The following SDK1 variants were observed in gnomAD, a reference collection of about 807,000 sequenced individuals.
SDK1 encodes the protein protein sidekick-1.
A neutral mutation model predicts 245.5 loss-of-function variants in SDK1; 157 were observed. The observed-to-expected ratio is 0.64, with a 90% CI of 0.56 to 0.73. The LOEUF is 0.73. Ranked by LOEUF, SDK1 falls within the 30% of genes least tolerant of loss-of-function variation. The pLI is 0.00. For synonymous variants in SDK1, 1,647 were observed against 1,278.5 expected (o/e 1.29, Z -6.15); for missense variants, 3,583 against 3,002.3 (o/e 1.19, Z -4.52).
At chr7:3,716,901 A>G (rs566381125) in intron 4 of SDK1, among the ~76,000 whole-genome samples, 1 of 152,350 alleles carries the variant, frequency 6.6e-6, no homozygotes, top group South Asian at 2.1e-4. Context: ...AACTACAGAA[A>G]AGAAAGAAGA....
intron 4 of SDK1, among the ~76,000 whole-genome samples, chr7:3,800,466 C>T (rs58215957): frequency 0.15 from 23,030 of 151,944 alleles, 1,888 homozygotes; most frequent in Middle Eastern, 0.3. Flanking sequence ...ACTGCAACTT[C>T]TGCCTCCTGG....
intron 22 of SDK1, among the ~76,000 whole-genome samples, chr7:4,090,881 A>T (rs1177416108): frequency 7.2e-6 from 1 of 139,232 alleles, no homozygotes; most frequent in Non-Finnish European, 1.5e-5. Context: ...CAAAACCCTC[A>T]GTTTATGTGA....
At position 3,561,946 on chromosome 7, in the gene SDK1, T is replaced by C. The variant is rs931301622; in HGVS notation, c.299-57134T>C. Among the ~76,000 whole-genome samples the C allele has an allele frequency of 3.3e-5, 5 of 152,360 alleles. No homozygotes were observed. In the South Asian group the frequency reaches 8.3e-4, roughly 25 times the overall value. ...TGCACATTTGCTTTCATTTTCTTGT[T>C]AAAATGGATTGAGAAAGATTAACAC... On this transcript the variant is annotated intron_variant, in intron 1 of 44. Transcript: ENST00000404826.
At chr7:3,663,399 A>G (rs1052948045) in intron 4 of SDK1, among the ~76,000 whole-genome samples, 6 of 152,172 alleles carry the variant, frequency 3.9e-5, no homozygotes, top group Non-Finnish European at 8.8e-5. Context: ...AATGAAATAT[A>G]TAGGGAAGTG....
intron 28 of SDK1, among the ~76,000 whole-genome samples, chr7:4,138,556 G>A (rs1027004181): frequency 1.3e-5 from 2 of 151,994 alleles, no homozygotes; most frequent in Non-Finnish European, 2.9e-5. Flanking sequence ...AGACCAGCCT[G>A]GCCAACATGG....
At chr7:4,107,134 T>G (rs1446322881) in intron 22 of SDK1, among the ~76,000 whole-genome samples, 33 of 3,670 alleles carry the variant, frequency 9.0e-3, no homozygotes, top group Admixed American at 0.013. Context: ...GTGGGGAGGG[T>G]GGGGAGGGTG....
intron 22 of SDK1, among the ~76,000 whole-genome samples, chr7:4,083,232 A>G (rs1194072364): frequency 5.3e-5 from 8 of 152,048 alleles, no homozygotes; most frequent in Non-Finnish European, 1.0e-4. Context: ...CTCACCCTCA[A>G]AGGTGTCCTT....
At chr7:3,707,100 G>A (rs1183235689) in intron 4 of SDK1, among the ~76,000 whole-genome samples, 4 of 151,912 alleles carry the variant, frequency 2.6e-5, no homozygotes, top group Admixed American at 1.3e-4. Flanking sequence ...CTAGCTTTGG[G>A]TTTAGTTTGT....
chr7:4,168,220 G>T (rs567655370), intron 32 of SDK1, among the ~76,000 whole-genome samples: 1 of 152,134 alleles, frequency 6.6e-6, no homozygotes, highest in Non-Finnish European at 1.5e-5. Flanking sequence ...CGGCCGCCTG[G>T]ACCCCCTCCC....
chr7:3,384,422 A>T (rs1260758552), intron 1 of SDK1, among the ~76,000 whole-genome samples: 1 of 152,222 alleles, frequency 6.6e-6, no homozygotes, highest in African/African-American at 2.4e-5. Context: ...GTGGTTCAAT[A>T]AACTTGGGAA....
At chr7:3,907,535 T>C (rs1778994782) in intron 5 of SDK1, among the ~76,000 whole-genome samples, 2 of 152,236 alleles carry the variant, frequency 1.3e-5, no homozygotes, top group South Asian at 4.1e-4. Context: ...ATATAGGTTG[T>C]TTCTGCCTAT....
chr7:4,073,450 A>G (rs1780393328), intron 20 of SDK1, among the ~76,000 whole-genome samples: 1 of 152,224 alleles, frequency 6.6e-6, no homozygotes, highest in Non-Finnish European at 1.5e-5. Context: ...ATCCTAATAA[A>G]TTCTATCAAC....
chr7:3,905,741 GC>G lies in SDK1; in HGVS notation c.848-45180del, dbSNP rs201642629. On this transcript the variant is annotated intron_variant, in intron 5 of 44. Coordinates refer to ENST00000404826, the MANE Select transcript of SDK1 (RefSeq NM_152744.4). Reference sequence around the variant, plus strand: ...GGGTTCAAGCAATCTTCTAGACTCAGCCTCCTGAGTAGCAAGGACCACAAAC... The same window carrying G: ...GGGTTCAAGCAATCTTCTAGACTCAGCTCCTGAGTAGCAAGGACCACAAAC... 6.5e-3 allele frequency among the ~76,000 whole-genome samples: 992 copies of G among 151,834 alleles called. 15 individuals are homozygous for G. Among genetic ancestry groups the G allele is most frequent in the African/African-American group, 0.022 (915 of 41,388 alleles).
At chr7:3,748,186 A>C (rs547743542) in intron 4 of SDK1, among the ~76,000 whole-genome samples, 15 of 152,182 alleles carry the variant, frequency 9.9e-5, no homozygotes, top group Admixed American at 4.6e-4. Context: ...TGTTTGGTTT[A>C]ATCCTAATTT....
intron 25 of SDK1, among the ~76,000 whole-genome samples, chr7:4,124,504 A>G (rs758488612): frequency 3.9e-5 from 6 of 152,174 alleles, no homozygotes; most frequent in Non-Finnish European, 5.9e-5. Context: ...TATGGGCACT[A>G]GTCATACTGG....
At chr7:3,903,310 A>T (rs1182288888) in intron 5 of SDK1, among the ~76,000 whole-genome samples, 4 of 151,810 alleles carry the variant, frequency 2.6e-5, no homozygotes, top group South Asian at 2.1e-4. Context: ...TGGCCGGCTA[A>T]TTTTTTGTGT....
intron 5 of SDK1, among the ~76,000 whole-genome samples, chr7:3,865,515 T>C (rs7788262): frequency 0.047 from 7,190 of 152,226 alleles, 541 homozygotes; most frequent in African/African-American, 0.16. Flanking sequence ...TATTTTGTTT[T>C]ATTTTATTTT....
intron 1 of SDK1, among the ~76,000 whole-genome samples, chr7:3,473,507 C>G (rs576320730): frequency 6.6e-6 from 1 of 152,238 alleles, no homozygotes; most frequent in South Asian, 2.1e-4. Context: ...GTTTGTGGAG[C>G]TTTTAAACCC....
At position 4,241,923 on chromosome 7, in the gene SDK1, C is replaced by G. The variant is rs1379802529; in HGVS notation, c.6251+10C>G. 6.2e-7 allele frequency: 1 copy of G among 1,611,746 alleles called. No homozygotes were observed. Among genetic ancestry groups the G allele is most frequent in the Non-Finnish European group, 8.5e-7 (1 of 1,179,950 alleles). On this transcript the variant is annotated intron_variant, in intron 43 of 44. Coordinates refer to ENST00000404826, the MANE Select transcript of SDK1 (RefSeq NM_152744.4). ...AGAAGAACGGGACCAGGTAGGCAGG[C>G]AGTGCTGTGCTGCGCCCACCTGGGG...
Sources: gnomAD v4.1 joint callset for allele counts (sites outside exome capture counted in the v4.1 genomes callset) on GRCh38, gnomAD v4.1.1 for gene constraint, MANE v1.5 for transcripts, NCBI Gene and HGNC (gene_info 2026-07-23, HGNC 2026-07-21) for gene names.